Variants in CHCHD6 observed in about 807,000 individuals in gnomAD.
CHCHD6 encodes the protein coiled-coil-helix-coiled-coil-helix domain containing 6, also known as MICOS complex subunit MIC25.
Under a neutral mutation model 32.3 loss-of-function variants are expected in CHCHD6, and 28 were observed. That is an observed-to-expected ratio of 0.87 (90% confidence interval 0.64 to 1.19). The LOEUF (loss-of-function observed/expected upper bound fraction) is 1.19, where lower values mean the gene tolerates loss of function less well. Ranked by LOEUF, CHCHD6 falls within the 50% of genes most tolerant of loss-of-function variation. The probability of loss-of-function intolerance (pLI) is 0.00; values close to 1 mark genes in which losing one functional copy is unlikely to be tolerated. For missense variants in CHCHD6, 333 were observed against 307.0 expected (o/e 1.08, Z -0.63); for synonymous variants, 122 against 117.5 (o/e 1.04, Z -0.25).
chr3:126,944,605 T>C (rs2078608164), intron 6 of CHCHD6, among the ~76,000 whole-genome samples: 1 of 152,220 alleles, frequency 6.6e-6, no homozygotes, highest in African/African-American at 2.4e-5. Context: ...GAAGTGACAC[T>C]GGGTCAGTAA....
At chr3:126,726,983 A>T in intron 1 of CHCHD6, 95 bp from the exon 2 acceptor site, 1 of 830,064 alleles carries the variant, frequency 1.2e-6, no homozygotes, top group South Asian at 1.5e-5. Context: ...GAAGCAGCGC[A>T]TTCAGTAAAT....
At chr3:126,717,913 C>A (rs1262324233) in intron 1 of CHCHD6, among the ~76,000 whole-genome samples, 1 of 152,132 alleles carries the variant, frequency 6.6e-6, no homozygotes, top group Non-Finnish European at 1.5e-5. Context: ...GGACTGTGGG[C>A]TGGAGAGGGG....
At chr3:126,928,100 CA>C (rs1302347386) in intron 6 of CHCHD6, among the ~76,000 whole-genome samples, 2 of 152,232 alleles carry the variant, frequency 1.3e-5, no homozygotes, top group Admixed American at 1.3e-4. Context: ...GTACTCAACC[CA>C]GGGAGGCTGC....
intron 6 of CHCHD6, among the ~76,000 whole-genome samples, chr3:126,934,536 CTTTTTTTTTTTTTTTTT>C (rs386397861): frequency 9.8e-4 from 57 of 58,232 alleles, no homozygotes; most frequent in African/African-American, 3.8e-3. Context: ...CCCCTCTCTG[CTTTTTTTTTTTTTTTTT>C]TTTTTTTTTT....
chr3:126,893,112 G>A (rs1378136304), intron 5 of CHCHD6, among the ~76,000 whole-genome samples: 1 of 151,950 alleles, frequency 6.6e-6, no homozygotes, highest in African/African-American at 2.4e-5. Flanking sequence ...GGGATTACAG[G>A]GACCCGCCAT....
chr3:126,749,503 C>T (rs1936640453), intron 4 of CHCHD6, among the ~76,000 whole-genome samples: 2 of 152,158 alleles, frequency 1.3e-5, no homozygotes, highest in African/African-American at 4.8e-5. Flanking sequence ...GGCCTCCCTA[C>T]CTCTGGGTCC....
intron 4 of CHCHD6, among the ~76,000 whole-genome samples, chr3:126,773,047 T>C (rs1937571961): frequency 6.6e-6 from 1 of 152,088 alleles, no homozygotes; most frequent in Admixed American, 6.5e-5. Context: ...TAAAGAATGC[T>C]GAATATAGGG....
At chr3:126,939,781 T>C (rs2078533184) in intron 6 of CHCHD6, among the ~76,000 whole-genome samples, 1 of 152,250 alleles carries the variant, frequency 6.6e-6, no homozygotes, top group African/African-American at 2.4e-5. Flanking sequence ...TTTTTGAATC[T>C]CAGAGATAAG....
chr3:126,766,053 A>G (rs746437887), intron 4 of CHCHD6, among the ~76,000 whole-genome samples: 2 of 152,084 alleles, frequency 1.3e-5, no homozygotes, highest in African/African-American at 2.4e-5. Flanking sequence ...TTCCTCTTCT[A>G]TGTAGCATCT....
chr3:126,767,284 C>A, intron 4 of CHCHD6: 1 of 1,222,666 alleles, frequency 8.2e-7, no homozygotes, highest in South Asian at 1.2e-5. Context: ...GGCCCAGCTG[C>A]CCCATCTTGT....
chr3:126,706,834 C>T (rs1251092303), intron 1 of CHCHD6, among the ~76,000 whole-genome samples: 1 of 152,078 alleles, frequency 6.6e-6, no homozygotes, highest in African/African-American at 2.4e-5. Context: ...CCAAAGGGAA[C>T]AAATCAGTTC....
chr3:126,775,930 G>A (rs1301000471), intron 4 of CHCHD6, among the ~76,000 whole-genome samples: 1 of 152,216 alleles, frequency 6.6e-6, no homozygotes, highest in Admixed American at 6.5e-5. Context: ...CCCTATTGGA[G>A]AGACTTTCAT....
At chr3:126,906,998 G>T (rs1365240297) in intron 5 of CHCHD6, among the ~76,000 whole-genome samples, 1 of 152,166 alleles carries the variant, frequency 6.6e-6, no homozygotes, top group East Asian at 1.9e-4. Flanking sequence ...GGCATGCCTG[G>T]CCCTAGTGGA....
rs984717356 is a variant in CHCHD6 at position 126,921,692 on chromosome 3, A to G, written c.566+6942A>G. 2.6e-5 allele frequency among the ~76,000 whole-genome samples: 4 copies of G among 152,224 alleles called. 1 individual carries two copies. Among genetic ancestry groups the G allele is most frequent in the African/African-American group, 9.6e-5 (4 of 41,462 alleles). ...CATTGTGCTCCAAGGACTTTGATCCAGAGAGGCCTGATTAATGTGGATGTG... is the reference window on the plus strand; with the variant it reads ...CATTGTGCTCCAAGGACTTTGATCCGGAGAGGCCTGATTAATGTGGATGTG... On this transcript the variant is annotated intron_variant, in intron 6 of 7. Coordinates refer to ENST00000290913, the MANE Select transcript of CHCHD6 (RefSeq NM_032343.3).
intron 5 of CHCHD6, chr3:126,865,846 G>A (rs1942271077): frequency 4.2e-6 from 3 of 711,426 alleles, no homozygotes; most frequent in Non-Finnish European, 5.2e-6. Context: ...AGCAGAAACT[G>A]CAACCTCTCT....
chr3:126,904,548 C>CTG (rs369456426), intron 5 of CHCHD6, among the ~76,000 whole-genome samples: 10 of 151,978 alleles, frequency 6.6e-5, no homozygotes, highest in Non-Finnish European at 1.2e-4. Context: ...TTTGCAAAGT[C>CTG]TGTGTGTGTG....
At chr3:126,730,665 G>C (rs774461224) in intron 3 of CHCHD6, 35 bp downstream of exon 3, 1 of 1,581,106 alleles carries the variant, frequency 6.3e-7, no homozygotes, top group African/African-American at 1.3e-5. Flanking sequence ...CCGGCACTGC[G>C]CTCCGCCTAA....
chr3:126,719,677 C>T (rs78475015), intron 1 of CHCHD6, among the ~76,000 whole-genome samples: 4,639 of 152,288 alleles, frequency 0.03, 98 homozygotes, highest in Non-Finnish European at 0.04. Context: ...TCGTTTCTCA[C>T]CTGCCATCCG....
chr3:126,894,338 T>C (rs1489423030), intron 5 of CHCHD6, among the ~76,000 whole-genome samples: 1 of 152,232 alleles, frequency 6.6e-6, no homozygotes, highest in East Asian at 1.9e-4. Flanking sequence ...ATGAAGTCCA[T>C]GGTCTTTTTT....
Sources: allele counts gnomAD v4.1 joint callset (sites outside exome capture counted in the v4.1 genomes callset), GRCh38; gene constraint gnomAD v4.1.1; transcripts MANE v1.5; gene names NCBI Gene and HGNC (gene_info 2026-07-23, HGNC 2026-07-21).